Variants in GOLIM4 observed in about 807,000 individuals in gnomAD.
The protein encoded by GOLIM4 is golgi integral membrane protein 4, also known as 130 kDa golgi-localized phosphoprotein.
GOLIM4 carries 71 observed loss-of-function variants against 107.4 expected under a neutral mutation model. That is an observed-to-expected ratio of 0.66 (90% CI 0.55 to 0.81). The LOEUF (loss-of-function observed/expected upper bound fraction) is 0.81. Ranked by LOEUF, GOLIM4 falls within the 30% of genes least tolerant of loss-of-function variation. The probability of loss-of-function intolerance (pLI) is 0.00; values close to 1 mark genes in which losing one functional copy is unlikely to be tolerated. For missense variants in GOLIM4, 830 were observed against 826.1 expected, an observed-to-expected ratio of 1.00 and a Z score of -0.06; for synonymous variants, 327 against 294.8, an observed-to-expected ratio of 1.11 and a Z score of -1.12.
chr3:168,041,695 A>T (rs1236745384), intron 5 of GOLIM4, among the ~76,000 whole-genome samples: 1 of 152,160 alleles, frequency 6.6e-6, no homozygotes, highest in East Asian at 1.9e-4. Flanking sequence ...AAATGCTTTT[A>T]AACAACTTTT....
intron 1 of GOLIM4, among the ~76,000 whole-genome samples, chr3:168,075,288 T>TTG (rs1721015026): frequency 1.3e-5 from 1 of 76,526 alleles, no homozygotes; most frequent in African/African-American, 5.7e-5. Context: ...ATTCACTAGT[T>TTG]TTTTTTTTTT....
chr3:168,011,248 G>A (rs1717004415), intron 14 of GOLIM4, among the ~76,000 whole-genome samples: 1 of 151,668 alleles, frequency 6.6e-6, no homozygotes, highest in Non-Finnish European at 1.5e-5. Context: ...AAAGGGTCGG[G>A]GAGTTCCCTT....
At chr3:168,013,802 C>T (rs1183659638) in intron 14 of GOLIM4, among the ~76,000 whole-genome samples, 5 of 150,904 alleles carry the variant, frequency 3.3e-5, no homozygotes, top group East Asian at 1.9e-4. Context: ...GGGTACATAA[C>T]GAAATGAAGG....
intron 8 of GOLIM4, among the ~76,000 whole-genome samples, chr3:168,035,992 G>A (rs901034525): frequency 7.9e-5 from 12 of 152,146 alleles, no homozygotes; most frequent in African/African-American, 2.4e-4. Context: ...ACTCATACCC[G>A]TAGGAGTGTC....
Position 168,095,642 on chromosome 3 carries a change from C to T in GOLIM4, c.-357G>A, listed in dbSNP as rs1047565027. Reference sequence around the variant, plus strand: ...CTTCCCACTTTTTGGCCCCGCTGCCCCCGGGCAGTTCTTGGAGTCCCGCCC... The same window carrying T: ...CTTCCCACTTTTTGGCCCCGCTGCCTCCGGGCAGTTCTTGGAGTCCCGCCC... On this transcript the variant is annotated 5_prime_UTR_variant, in exon 1 of 16. Transcript: ENST00000470487. 1.3e-5 allele frequency: 3 copies of T among 238,984 alleles called. No individual in the cohort carries two copies. In the South Asian group the frequency reaches 1.6e-4, roughly 13 times the overall value. The allele number at this position is 238,984 out of a possible 1,614,324, so 14.8% of individuals were successfully genotyped here.
chr3:168,069,589 A>C (rs1291018653), intron 1 of GOLIM4, among the ~76,000 whole-genome samples: 3 of 152,230 alleles, frequency 2.0e-5, no homozygotes, highest in Non-Finnish European at 4.4e-5. Context: ...TGGGTAGAGA[A>C]GGTAATAAGC....
chr3:168,024,906 C>G (rs1717911118), intron 13 of GOLIM4, 22 bp downstream of exon 13: 1 of 1,602,344 alleles, frequency 6.2e-7, no homozygotes, highest in Admixed American at 1.7e-5. Flanking sequence ...TAAATCCACC[C>G]TTCCTCGTGG....
chr3:168,055,692 C>T (rs1341146866), intron 1 of GOLIM4, among the ~76,000 whole-genome samples: 1 of 151,738 alleles, frequency 6.6e-6, no homozygotes, highest in Non-Finnish European at 1.5e-5. Flanking sequence ...GTCCCAGCTA[C>T]TCGGGAGGCT....
chr3:168,095,366 C>T lies in GOLIM4; in HGVS notation c.-81G>A. 4 of 1,230,544 alleles carry T rather than the reference C, an allele frequency of 3.3e-6. No homozygotes were observed. The highest frequency in any genetic ancestry group is 2.7e-5 in the East Asian group (1 of 37,366). 76.2% of individuals were successfully genotyped at this position (1,230,544 alleles called of 1,614,324 possible). ...GAGCGAGCGTCTCAGCAGCGGCCGC[C>T]GCAGTAGGTGGCCAGACGCAGCATG... On this transcript the variant is annotated 5_prime_UTR_variant, in exon 1 of 16. Coordinates refer to ENST00000470487, the MANE Select transcript of GOLIM4 (RefSeq NM_014498.5).
chr3:168,067,513 T>TA lies in GOLIM4; in HGVS notation c.188-19149dup, dbSNP rs201207512. 6.0e-3 allele frequency among the ~76,000 whole-genome samples: 814 copies of TA among 135,700 alleles called. 4 individuals are homozygous for TA. Among genetic ancestry groups the TA allele is most frequent in the Middle Eastern group, 0.019 (5 of 264 alleles). 89.0% of individuals were successfully genotyped at this position (135,700 alleles called of 152,430 possible). A position where few individuals can be genotyped will look rare whatever the true frequency, so the allele number is the denominator to read the frequency against. On this transcript the variant is annotated intron_variant, in intron 1 of 15. Coordinates refer to ENST00000470487, the MANE Select transcript of GOLIM4 (RefSeq NM_014498.5). ...TGATCTAAAAGTAGTTGCCTTTAATTAAAAAAAAAAAAACACACACACACA... is the reference window on the plus strand; with the variant it reads ...TGATCTAAAAGTAGTTGCCTTTAATTAAAAAAAAAAAAAACACACACACACA...
At chr3:168,060,100 G>GTTTT (rs111922454) in intron 1 of GOLIM4, among the ~76,000 whole-genome samples, 3 of 145,672 alleles carry the variant, frequency 2.1e-5, no homozygotes, top group Non-Finnish European at 4.5e-5. Context: ...CCATTAGAGA[G>GTTTT]TTTTTTTTTT....
intron 1 of GOLIM4, among the ~76,000 whole-genome samples, chr3:168,090,838 G>A (rs4393945): frequency 0.12 from 18,199 of 152,172 alleles, 1,319 homozygotes; most frequent in African/African-American, 0.2. Context: ...CTACTCAGCC[G>A]TAACAAGGAA....
intron 14 of GOLIM4, among the ~76,000 whole-genome samples, chr3:168,023,931 G>T (rs1717850612): frequency 6.6e-6 from 1 of 152,136 alleles, no homozygotes; most frequent in South Asian, 2.1e-4. Flanking sequence ...ACAATGAAAA[G>T]CAAACTAAAA....
In GOLIM4 at chr3:168,095,645, G is replaced by A. The variant is rs189332815; in HGVS notation, c.-360C>T. 1,975 of 237,334 alleles carry A rather than the reference G, an allele frequency of 8.3e-3. 25 individuals carry two copies. The highest frequency in any genetic ancestry group is 0.031 in the African/African-American group (1,329 of 42,466). The allele number at this position is 237,334 out of a possible 1,614,324, so 14.7% of individuals were successfully genotyped here. Reference sequence around the variant, plus strand: ...CCCACTTTTTGGCCCCGCTGCCCCCGGGCAGTTCTTGGAGTCCCGCCCTGG... The same window carrying A: ...CCCACTTTTTGGCCCCGCTGCCCCCAGGCAGTTCTTGGAGTCCCGCCCTGG... On this transcript the variant is annotated 5_prime_UTR_variant, in exon 1 of 16. Coordinates refer to ENST00000470487, the MANE Select transcript of GOLIM4 (RefSeq NM_014498.5).
intron 8 of GOLIM4, among the ~76,000 whole-genome samples, chr3:168,033,524 G>A (rs1468668016): frequency 2.1e-5 from 3 of 141,266 alleles, no homozygotes; most frequent in African/African-American, 7.8e-5. Context: ...GGAGAATGGC[G>A]TGAACCCGGG....
rs761219523 is a variant in GOLIM4, at chr3:168,027,728, A to C, written c.1623T>G (p.Asp541Glu). The stretch of plus-strand genomic sequence containing the variant: ...CAGGGGCAGAAGAGAGGATACTTAC[A>C]TCTGCCTCAGATTCTGGGTCGGCTT... ...PREADPESEA[D>E]RAAVEDINPA... The change falls in exon 12 of 16, where the codon GAT becomes GAG. Residue 541 changes from aspartate (D) to glutamate (E), a missense_variant and splice_region_variant. By Grantham distance (45) the Asp-to-Glu change is conservative (BLOSUM62 2). Transcript: ENST00000470487. 4 of 1,566,866 alleles carry C rather than the reference A, an allele frequency of 2.6e-6. No individual in the cohort carries two copies.
Position 168,037,006 on chromosome 3 carries a change from T to C in GOLIM4, c.685-12A>G, listed in dbSNP as rs755313169. 2 of 1,363,866 alleles carry C rather than the reference T, an allele frequency of 1.5e-6. No individual in the cohort carries two copies. Among genetic ancestry groups the C allele is most frequent in the African/African-American group, 1.6e-5 (1 of 63,656 alleles). 84.5% of individuals were successfully genotyped at this position (1,363,866 alleles called of 1,614,324 possible). Reference sequence around the variant, plus strand: ...TCTGCAACTTGAGTCTGCATATAAATTGCACAATTTGAGGAGGGAATCTAT... The same window carrying C: ...TCTGCAACTTGAGTCTGCATATAAACTGCACAATTTGAGGAGGGAATCTAT... On this transcript the variant is annotated splice_polypyrimidine_tract_variant and intron_variant, in intron 7 of 15. Transcript: ENST00000470487.
intron 1 of GOLIM4, among the ~76,000 whole-genome samples, chr3:168,091,613 C>CA (rs1560114396): frequency 6.6e-6 from 1 of 152,166 alleles, no homozygotes; most frequent in Non-Finnish European, 1.5e-5. Context: ...TTACCCATGA[C>CA]AAACCTGGCA....
At chr3:168,066,107 A>G (rs1720528683) in intron 1 of GOLIM4, among the ~76,000 whole-genome samples, 1 of 152,194 alleles carries the variant, frequency 6.6e-6, no homozygotes, top group Non-Finnish European at 1.5e-5. Flanking sequence ...AAAGAAGACA[A>G]GAAGAGAAGG....
Sources: allele counts gnomAD v4.1 joint callset (sites outside exome capture counted in the v4.1 genomes callset), GRCh38; gene constraint gnomAD v4.1.1; transcripts MANE v1.5; gene names NCBI Gene and HGNC (gene_info 2026-07-23, HGNC 2026-07-21).